Variants in SDK1 observed in about 807,000 individuals in gnomAD.
SDK1 encodes the protein protein sidekick-1.
SDK1 carries 157 observed loss-of-function variants against 245.5 expected under a neutral mutation model. The ratio of observed to expected loss-of-function variants is 0.64; its 90% confidence interval spans 0.56 to 0.73. The LOEUF (loss-of-function observed/expected upper bound fraction) is 0.73, where lower values mean the gene tolerates loss of function less well. Among genes scored for constraint, SDK1 ranks in the 30% least tolerant of loss-of-function variants. The pLI, the probability that SDK1 is intolerant of heterozygous loss-of-function variation, is 0.00. For missense variants in SDK1, 3,583 were observed against 3,002.3 expected (o/e 1.19, Z -4.52); for synonymous variants, 1,647 against 1,278.5 (o/e 1.29, Z -6.15).
intron 17 of SDK1, 121 bp from the exon 18 acceptor site, chr7:4,049,227 C>G (rs952947528): frequency 1.5e-6 from 1 of 673,792 alleles, no homozygotes; most frequent in Non-Finnish European, 2.6e-6. Context: ...CACACTTCCT[C>G]GGTCTCAGTG....
chr7:3,545,402 C>G (rs1779188702), intron 1 of SDK1, among the ~76,000 whole-genome samples: 1 of 152,170 alleles, frequency 6.6e-6, no homozygotes, highest in African/African-American at 2.4e-5. Flanking sequence ...TGTTGAAAGA[C>G]TAATGTGCAG....
chr7:3,592,865 C>T (rs904171310), intron 1 of SDK1, among the ~76,000 whole-genome samples: 6 of 152,302 alleles, frequency 3.9e-5, no homozygotes, highest in African/African-American at 1.4e-4. Flanking sequence ...GTTTTTAATG[C>T]ACTGCTGATT....
chr7:3,640,592 A>C (rs1782616957), intron 3 of SDK1, among the ~76,000 whole-genome samples: 1 of 149,828 alleles, frequency 6.7e-6, no homozygotes, highest in South Asian at 2.1e-4. Context: ...TTATATTTTA[A>C]GAAGAGCTTC....
intron 17 of SDK1, among the ~76,000 whole-genome samples, chr7:4,038,481 A>C (rs1788374592): frequency 6.6e-6 from 1 of 152,194 alleles, no homozygotes; most frequent in Non-Finnish European, 1.5e-5. Flanking sequence ...AGCACTTATC[A>C]ATCTGCAGTG....
intron 1 of SDK1, among the ~76,000 whole-genome samples, chr7:3,568,742 A>G (rs903997366): frequency 2.6e-5 from 4 of 152,300 alleles, no homozygotes; most frequent in South Asian, 2.1e-4. Flanking sequence ...CCCTGATTCA[A>G]AATGGTTTAT....
intron 1 of SDK1, among the ~76,000 whole-genome samples, chr7:3,502,319 G>T (rs1053504027): frequency 5.3e-5 from 8 of 151,644 alleles, no homozygotes; most frequent in African/African-American, 1.9e-4. Context: ...GCAGAATCTC[G>T]GCTCACTGCA....
At chr7:4,053,699 A>G (rs985135539) in intron 19 of SDK1, among the ~76,000 whole-genome samples, 7 of 152,078 alleles carry the variant, frequency 4.6e-5, no homozygotes, top group South Asian at 2.1e-4. Flanking sequence ...CTCAAGGTCT[A>G]TGTCAAATGA....
chr7:3,457,824 T>C (rs1335031816), intron 1 of SDK1, among the ~76,000 whole-genome samples: 2 of 152,202 alleles, frequency 1.3e-5, no homozygotes, highest in African/African-American at 2.4e-5. Flanking sequence ...TTGGACTCCA[T>C]GTCTCTCTCT....
chr7:4,163,966 A>T (rs1487919890), intron 32 of SDK1, among the ~76,000 whole-genome samples: 3 of 152,154 alleles, frequency 2.0e-5, no homozygotes, highest in African/African-American at 4.8e-5. Context: ...TTCTGTGAAG[A>T]GTGTGTCATC....
intron 22 of SDK1, among the ~76,000 whole-genome samples, chr7:4,089,347 T>C (rs1038761404): frequency 6.6e-6 from 1 of 152,204 alleles, no homozygotes; most frequent in Non-Finnish European, 1.5e-5. Context: ...GGGCAGAGGC[T>C]GCAGCACTCT....
At chr7:3,870,766 A>G (rs1406401879) in intron 5 of SDK1, among the ~76,000 whole-genome samples, 7 of 152,108 alleles carry the variant, frequency 4.6e-5, no homozygotes, top group Admixed American at 2.6e-4. Context: ...GTTTATGTAG[A>G]TTTTACCCAT....
Position 4,011,091 on chromosome 7 carries a change from C to G in SDK1, c.2257C>G (p.Gln753Glu). ...VCAVNEVGRGQYSAETSRLML... is the reference protein window; with the variant it reads ...VCAVNEVGRGEYSAETSRLML... ...CGCGGTGAATGAAGTGGGCAGGGGC[C>G]AGTACAGCGCCGAGACAAGCAGGTG... The change falls in exon 15 of 45, where the codon CAG (glutamine) becomes GAG (glutamate). Residue 753 changes from glutamine to glutamate, a missense_variant. By Grantham distance (29) the Gln-to-Glu change is conservative. Coordinates refer to ENST00000404826, the MANE Select transcript of SDK1 (RefSeq NM_152744.4). The G allele has an allele frequency of 6.2e-7, 1 of 1,613,988 alleles. No homozygotes were observed. The highest frequency in any genetic ancestry group is 8.5e-7 in the Non-Finnish European group (1 of 1,180,026).
At chr7:3,920,580 A>C (rs1353623131) in intron 5 of SDK1, among the ~76,000 whole-genome samples, 1 of 152,152 alleles carries the variant, frequency 6.6e-6, no homozygotes, top group East Asian at 1.9e-4. Flanking sequence ...AAGACAAAAC[A>C]GAAGTTCTGC....
intron 19 of SDK1, 22 bp downstream of exon 19, chr7:4,051,852 T>C: frequency 6.3e-7 from 1 of 1,589,846 alleles, no homozygotes; most frequent in South Asian, 1.1e-5. Context: ...TTTCTGCGTG[T>C]CTCTTAAGTC....
At chr7:4,206,094 C>T (rs1033397935) in intron 36 of SDK1, 100 bp downstream of exon 36, 7 of 770,008 alleles carry the variant, frequency 9.1e-6, no homozygotes, top group Admixed American at 9.0e-5. Context: ...CCCGCAGGCG[C>T]TCCACCTGGA....
At chr7:3,425,719 A>G (rs918754787) in intron 1 of SDK1, among the ~76,000 whole-genome samples, 6 of 152,230 alleles carry the variant, frequency 3.9e-5, no homozygotes, top group Non-Finnish European at 8.8e-5. Context: ...ATTAGGGAAG[A>G]TAAGTAGAAA....
intron 1 of SDK1, among the ~76,000 whole-genome samples, chr7:3,501,642 C>T (rs192374617): frequency 1.8e-3 from 278 of 152,236 alleles, no homozygotes; most frequent in Non-Finnish European, 3.3e-3. Flanking sequence ...TCATTTGATC[C>T]ACTGTGTGTA....
rs202209088 is a variant in SDK1 at position 3,930,795 on chromosome 7, C to CGAAAA, written c.848-20112_848-20108dup. ...GTGACAGAGTGACACTCTGTCTCACCGAAAAGAAAAGAAAAGAAAAAAGAA... is the reference window on the plus strand; with the variant it reads ...GTGACAGAGTGACACTCTGTCTCACCGAAAAGAAAAGAAAAGAAAAGAAAAAAGAA... On this transcript the variant is annotated intron_variant, in intron 5 of 44. Transcript: ENST00000404826. 1.2e-4 allele frequency among the ~76,000 whole-genome samples: 18 copies of CGAAAA among 147,546 alleles called. 1 individual carries two copies. Among genetic ancestry groups the CGAAAA allele is most frequent in the Admixed American group, 6.1e-4 (9 of 14,788 alleles).
At chr7:3,439,631 A>C (rs1780135502) in intron 1 of SDK1, among the ~76,000 whole-genome samples, 1 of 152,272 alleles carries the variant, frequency 6.6e-6, no homozygotes, top group African/African-American at 2.4e-5. Flanking sequence ...ATGGGATTTA[A>C]AAAGTCAGTA....
Sources: allele counts gnomAD v4.1 joint callset (sites outside exome capture counted in the v4.1 genomes callset), GRCh38; gene constraint gnomAD v4.1.1; transcripts MANE v1.5; gene names NCBI Gene and HGNC (gene_info 2026-07-23, HGNC 2026-07-21).